Variants in RANBP9 observed in about 807,000 individuals in gnomAD.
RANBP9 encodes the protein RAN binding protein 9.
RANBP9 carries 15 observed loss-of-function variants against 84.3 expected under a neutral mutation model. That is an observed-to-expected ratio of 0.18 (90% CI 0.12 to 0.27). The LOEUF is 0.27. Among genes scored for constraint, RANBP9 ranks in the 10% least tolerant of loss-of-function variants. RANBP9 has a pLI of 1.00. For missense variants in RANBP9, 809 were observed against 912.8 expected, an observed-to-expected ratio of 0.89 and a Z score of 1.46; for synonymous variants, 392 against 349.6, an observed-to-expected ratio of 1.12 and a Z score of -1.35.
intron 12 of RANBP9, among the ~76,000 whole-genome samples, chr6:13,630,695 A>G (rs1042329122): frequency 6.6e-6 from 1 of 152,272 alleles, no homozygotes; most frequent in Admixed American, 6.5e-5. Context: ...CTGACTATAT[A>G]GTGGAATTTT....
intron 1 of RANBP9, among the ~76,000 whole-genome samples, chr6:13,709,449 T>C (rs1758216567): frequency 6.6e-6 from 1 of 152,228 alleles, no homozygotes; most frequent in Admixed American, 6.5e-5. Context: ...TAAAATTCTG[T>C]CACATCTAAC....
At chr6:13,638,258 T>C (rs1764986297) in intron 9 of RANBP9, among the ~76,000 whole-genome samples, 1 of 152,140 alleles carries the variant, frequency 6.6e-6, no homozygotes, top group South Asian at 2.1e-4. Context: ...AGGCTCAGAA[T>C]TTATCCAAGC....
intron 5 of RANBP9, among the ~76,000 whole-genome samples, chr6:13,646,554 A>G (rs1219707638): frequency 6.6e-6 from 1 of 152,250 alleles, no homozygotes; most frequent in Non-Finnish European, 1.5e-5. Context: ...TAATGATGAT[A>G]TTCAGTATTG....
intron 10 of RANBP9, among the ~76,000 whole-genome samples, chr6:13,636,255 A>G (rs544098530): frequency 6.6e-6 from 1 of 151,414 alleles, no homozygotes; most frequent in African/African-American, 2.5e-5. Flanking sequence ...TGACCTTAAG[A>G]AAAAAAAGTC....
chr6:13,659,479 T>C (rs1263265227), intron 2 of RANBP9, among the ~76,000 whole-genome samples: 1 of 152,116 alleles, frequency 6.6e-6, no homozygotes, highest in African/African-American at 2.4e-5. Flanking sequence ...CTCCACACAA[T>C]ACACAAGGGA....
rs1765137767 is a variant in RANBP9, at chr6:13,644,556, G to A, written c.1101C>T (p.Thr367=). 2 of 1,610,778 alleles carry A rather than the reference G, an allele frequency of 1.2e-6. No individual in the cohort carries two copies. The highest frequency in any genetic ancestry group is 1.7e-6 in the Non-Finnish European group (2 of 1,178,782). Residue 367 remains threonine, a synonymous_variant, in exon 6 of 14, where the codon ACC becomes ACT. Coordinates refer to ENST00000011619, the MANE Select transcript of RANBP9 (RefSeq NM_005493.3). The part of the protein sequence containing the change: ...PIGDREGEWQ[T]MIQKMVSSYL... ...TTCTTCACTCTTACTTTTGTATCAT[G>A]GTCTGCCATTCTCCTTCTCGATCTC...
intron 12 of RANBP9, among the ~76,000 whole-genome samples, chr6:13,629,919 CTCGT>C (rs67915211): frequency 0.1 from 13,047 of 129,578 alleles, 587 homozygotes; most frequent in East Asian, 0.2. Context: ...CTCTCTCTCT[CTCGT>C]GTGTGTGTGT....
At chr6:13,649,283 G>A (rs1765240188) in intron 5 of RANBP9, among the ~76,000 whole-genome samples, 2 of 152,114 alleles carry the variant, frequency 1.3e-5, no homozygotes, top group African/African-American at 4.8e-5. Context: ...AGTTGCACAT[G>A]ATCATTGGCT....
At chr6:13,705,628 G>A (rs1758089290) in intron 1 of RANBP9, among the ~76,000 whole-genome samples, 1 of 151,866 alleles carries the variant, frequency 6.6e-6, no homozygotes, top group South Asian at 2.1e-4. Context: ...TTGGGAGGAC[G>A]AGGCGCGCAG....
chr6:13,627,489 G>A (rs1177320679), intron 12 of RANBP9, among the ~76,000 whole-genome samples: 2 of 151,818 alleles, frequency 1.3e-5, no homozygotes, highest in African/African-American at 4.8e-5. Flanking sequence ...AATTAGTCAG[G>A]CATGGTGGTG....
At position 13,622,051 on chromosome 6, in the gene RANBP9, C is replaced by G. The variant is rs556531957; in HGVS notation, c.*311G>C. ...CTTCCCCTCTCTCCCCCCTCCCCCA[C>G]AAAGAAGGCAGGATTTTTGGTTTCT... On this transcript the variant is annotated 3_prime_UTR_variant, in exon 14 of 14. Transcript: ENST00000011619. 1 of 170,842 alleles carries G rather than the reference C, an allele frequency of 5.9e-6. No individual in the cohort carries two copies. The highest frequency in any genetic ancestry group is 1.2e-5 in the Non-Finnish European group (1 of 80,826). 10.6% of individuals were successfully genotyped at this position (170,842 alleles called of 1,614,324 possible).
At chr6:13,692,537 A>C (rs1157954129) in intron 2 of RANBP9, among the ~76,000 whole-genome samples, 4 of 143,144 alleles carry the variant, frequency 2.8e-5, no homozygotes, top group East Asian at 2.0e-4. Flanking sequence ...CAAAAAAAAA[A>C]AAAAAAAAAA....
chr6:13,696,735 A>T (rs926603103), intron 2 of RANBP9, 50 bp downstream of exon 2: 6 of 1,479,548 alleles, frequency 4.1e-6, no homozygotes, highest in Non-Finnish European at 5.6e-6. Flanking sequence ...AACATTATGA[A>T]CCAAAACAAA....
Position 13,640,765 on chromosome 6 carries a change from TAG to T in RANBP9, c.1334+432_1334+433del, listed in dbSNP as rs1167785283. 4.6e-5 allele frequency among the ~76,000 whole-genome samples: 7 copies of T among 152,126 alleles called. No individual in the cohort carries two copies. The East Asian group carries it at 7.7e-4, about 17-fold the overall frequency. On this transcript the variant is annotated intron_variant, in intron 8 of 13. Coordinates refer to ENST00000011619, the MANE Select transcript of RANBP9 (RefSeq NM_005493.3). ...GGATGAATGGATGGTTAGTGTTTAATAGAGAGTTTCAGTTTGGGAAGATGGAG... is the reference window on the plus strand; with the variant it reads ...GGATGAATGGATGGTTAGTGTTTAATAGAGTTTCAGTTTGGGAAGATGGAG...
intron 12 of RANBP9, among the ~76,000 whole-genome samples, chr6:13,630,601 A>G (rs1764751286): frequency 6.6e-6 from 1 of 152,192 alleles, no homozygotes; most frequent in African/African-American, 2.4e-5. Flanking sequence ...CCTGGGTCCA[A>G]AAACCTTTCA....
intron 2 of RANBP9, among the ~76,000 whole-genome samples, chr6:13,685,364 CATACTATAACTG>C (rs1404597372): frequency 6.6e-6 from 1 of 152,074 alleles, no homozygotes; most frequent in Admixed American, 6.5e-5. Flanking sequence ...ATGTAAGAAA[CATACTATAACTG>C]CTACATAGAA....
intron 2 of RANBP9, among the ~76,000 whole-genome samples, chr6:13,660,285 G>A (rs918216869): frequency 6.6e-6 from 1 of 152,178 alleles, no homozygotes; most frequent in African/African-American, 2.4e-5. Context: ...GAAGCAGGAG[G>A]ATCTTTTGAG....
At chr6:13,649,917 G>C (rs564934935) in intron 5 of RANBP9, among the ~76,000 whole-genome samples, 1 of 152,016 alleles carries the variant, frequency 6.6e-6, no homozygotes, top group Non-Finnish European at 1.5e-5. Context: ...TCAATTCTCA[G>C]ACCTTATGTA....
intron 13 of RANBP9, among the ~76,000 whole-genome samples, chr6:13,624,845 G>T (rs1764556075): frequency 6.6e-6 from 1 of 152,144 alleles, no homozygotes; most frequent in Admixed American, 6.5e-5. Flanking sequence ...AATGCAAATA[G>T]AATGTGACAT....
Sources: allele counts gnomAD v4.1 joint callset (sites outside exome capture counted in the v4.1 genomes callset), GRCh38; gene constraint gnomAD v4.1.1; transcripts MANE v1.5; gene names NCBI Gene and HGNC (gene_info 2026-07-23, HGNC 2026-07-21).